The following GALNTL6 variants were observed in gnomAD, a reference collection of about 807,000 sequenced individuals.
GALNTL6 encodes the protein polypeptide N-acetylgalactosaminyltransferase-like 6.
In GALNTL6, 46 loss-of-function variants were observed where a neutral mutation model predicts 73.7. The ratio of observed to expected loss-of-function variants is 0.62; its 90% CI spans 0.49 to 0.80. GALNTL6 has a LOEUF of 0.80. Among genes scored for constraint, GALNTL6 ranks in the 30% least tolerant of loss-of-function variants. The pLI is 0.00. For missense variants in GALNTL6, 604 were observed against 755.0 expected, an observed-to-expected ratio of 0.80 and a Z score of 2.34; for synonymous variants, 259 against 263.7, an observed-to-expected ratio of 0.98 and a Z score of 0.17.
At chr4:172,226,337 T>A (rs28708717) in intron 2 of GALNTL6, among the ~76,000 whole-genome samples, 1 of 152,200 alleles carries the variant, frequency 6.6e-6, no homozygotes, top group Non-Finnish European at 1.5e-5. Flanking sequence ...AGTATACTTA[T>A]GTTAGTTAAG....
In GALNTL6 at chr4:172,376,601, C is replaced by T. The variant is rs946029617; in HGVS notation, c.553+27912C>T. 4.6e-5 allele frequency among the ~76,000 whole-genome samples: 7 copies of T among 152,248 alleles called. No homozygotes were observed. The South Asian group carries it at 1.5e-3, about 32-fold the overall frequency. On this transcript the variant is annotated intron_variant, in intron 5 of 12. Coordinates refer to ENST00000506823, the MANE Select transcript of GALNTL6 (RefSeq NM_001034845.3). Reference sequence around the variant, plus strand: ...GCCACGCTAGTCGCTTTTAACTGTGCCTGGTATTTAGCCCCTGAATTCTAA... The same window carrying T: ...GCCACGCTAGTCGCTTTTAACTGTGTCTGGTATTTAGCCCCTGAATTCTAA...
At chr4:172,407,739 T>C (rs918573412) in intron 5 of GALNTL6, among the ~76,000 whole-genome samples, 1 of 152,050 alleles carries the variant, frequency 6.6e-6, no homozygotes, top group Non-Finnish European at 1.5e-5. Context: ...GAAGTAACCA[T>C]ATACATCATT....
At chr4:172,629,462 G>T (rs191560361) in intron 5 of GALNTL6, among the ~76,000 whole-genome samples, 182 of 152,008 alleles carry the variant, frequency 1.2e-3, no homozygotes, top group African/African-American at 3.3e-3. Flanking sequence ...ATACTCTTTT[G>T]GTGAAAAGGA....
chr4:172,888,020 C>A (rs1745825246), intron 8 of GALNTL6, among the ~76,000 whole-genome samples: 1 of 152,038 alleles, frequency 6.6e-6, no homozygotes, highest in East Asian at 1.9e-4. Flanking sequence ...AGTCCTTTGC[C>A]CACATTTTAG....
intron 4 of GALNTL6, among the ~76,000 whole-genome samples, chr4:172,331,012 C>A (rs1741105043): frequency 6.6e-6 from 1 of 151,822 alleles, no homozygotes. Context: ...TTTTAAATAT[C>A]TTTTATATAT....
chr4:172,591,099 C>T (rs1219147190), intron 5 of GALNTL6, among the ~76,000 whole-genome samples: 1 of 152,078 alleles, frequency 6.6e-6, no homozygotes, highest in Non-Finnish European at 1.5e-5. Context: ...CATGGAGCAC[C>T]AAGGTGTAGG....
intron 2 of GALNTL6, among the ~76,000 whole-genome samples, chr4:172,213,682 TATTTTGTAAAC>T (rs1315367634): frequency 2.6e-5 from 4 of 152,206 alleles, no homozygotes; most frequent in Non-Finnish European, 2.9e-5. Context: ...ATCAGATATG[TATTTTGTAAAC>T]ATTTTATCTC....
rs1256376006 is a variant in GALNTL6 at position 172,771,969 on chromosome 4, C to G, written c.554-37392C>G. 3.3e-5 allele frequency among the ~76,000 whole-genome samples: 5 copies of G among 152,140 alleles called. No individual in the cohort carries two copies. In the South Asian group the frequency reaches 1.0e-3, roughly 32 times the overall value. ...GACATACCCGAGATTGGGCAATTTACAGAAGAAGGAGCTTTAATGGACTCA... is the reference window on the plus strand; with the variant it reads ...GACATACCCGAGATTGGGCAATTTAGAGAAGAAGGAGCTTTAATGGACTCA... On this transcript the variant is annotated intron_variant, in intron 5 of 12. Transcript: ENST00000506823.
At chr4:171,839,228 A>G (rs1445628944) in intron 2 of GALNTL6, among the ~76,000 whole-genome samples, 2 of 152,170 alleles carry the variant, frequency 1.3e-5, no homozygotes, top group East Asian at 3.9e-4. Flanking sequence ...ACTGCATGCT[A>G]TTAGTGCTGT....
At chr4:172,208,713 G>A (rs865828943) in intron 2 of GALNTL6, among the ~76,000 whole-genome samples, 40 of 152,152 alleles carry the variant, frequency 2.6e-4, no homozygotes, top group African/African-American at 9.6e-4. Flanking sequence ...AGAAGTATTG[G>A]TTCCAAACCA....
At chr4:172,844,987 C>T (rs1947639) in intron 7 of GALNTL6, among the ~76,000 whole-genome samples, 39,735 of 151,788 alleles carry the variant, frequency 0.26, 5,740 homozygotes, top group African/African-American at 0.39. Flanking sequence ...AGGCCAAGGC[C>T]GGCAGGTCAT....
chr4:172,753,829 A>G (rs1737576911), intron 5 of GALNTL6, among the ~76,000 whole-genome samples: 1 of 152,196 alleles, frequency 6.6e-6, no homozygotes. Flanking sequence ...TAAAAGAACA[A>G]AAGGATGTTT....
In GALNTL6 at chr4:172,815,019, T is replaced by C. The variant is rs572628316; in HGVS notation, c.923+1296T>C. 1.1e-3 allele frequency among the ~76,000 whole-genome samples: 162 copies of C among 152,302 alleles called. 2 individuals are homozygous for C. The highest frequency in any genetic ancestry group is 3.8e-3 in the African/African-American group (156 of 41,564). On this transcript the variant is annotated intron_variant, in intron 7 of 12. Transcript: ENST00000506823. Reference sequence around the variant, plus strand: ...AAATTTCATGGGTATTCAAAACTACTAGAAAATCTTTTTAGTAATCTAAGC... The same window carrying C: ...AAATTTCATGGGTATTCAAAACTACCAGAAAATCTTTTTAGTAATCTAAGC...
chr4:172,221,937 G>A (rs1453092083), intron 2 of GALNTL6, among the ~76,000 whole-genome samples: 1 of 151,690 alleles, frequency 6.6e-6, no homozygotes, highest in African/African-American at 2.4e-5. Flanking sequence ...TTTTAATAAT[G>A]TTATTCTTTT....
intron 2 of GALNTL6, among the ~76,000 whole-genome samples, chr4:171,923,827 T>TGTGTGTGTGTGTGTGTG (rs1560843047): frequency 1.4e-4 from 21 of 149,342 alleles, no homozygotes; most frequent in South Asian, 4.3e-4. Flanking sequence ...TGTGTGTGTG[T>TGTGTGTGTGTGTGTGTG]TTGAAGTTCT....
intron 5 of GALNTL6, among the ~76,000 whole-genome samples, chr4:172,456,915 T>C (rs1471736259): frequency 6.6e-6 from 1 of 151,752 alleles, no homozygotes; most frequent in African/African-American, 2.4e-5. Context: ...TTCACCAAGG[T>C]TGAAATGAAG....
intron 2 of GALNTL6, among the ~76,000 whole-genome samples, chr4:171,826,236 G>C (rs1003710994): frequency 1.3e-5 from 2 of 152,060 alleles, no homozygotes; most frequent in Non-Finnish European, 2.9e-5. Context: ...CTTTCACTGT[G>C]AGTATAGGAT....
At chr4:172,984,608 T>C (rs1751214498) in intron 10 of GALNTL6, among the ~76,000 whole-genome samples, 1 of 152,078 alleles carries the variant, frequency 6.6e-6, no homozygotes, top group Non-Finnish European at 1.5e-5. Flanking sequence ...CACTGGGGAC[T>C]CCGAAAGGAG....
At chr4:171,996,411 T>C (rs1740485349) in intron 2 of GALNTL6, among the ~76,000 whole-genome samples, 1 of 152,118 alleles carries the variant, frequency 6.6e-6, no homozygotes, top group South Asian at 2.1e-4. Context: ...ATTTCTAACA[T>C]ACTTAGGACC....
Sources: gnomAD v4.1 joint callset for allele counts (sites outside exome capture counted in the v4.1 genomes callset) on GRCh38, gnomAD v4.1.1 for gene constraint, MANE v1.5 for transcripts, NCBI Gene and HGNC (gene_info 2026-07-23, HGNC 2026-07-21) for gene names.